The following PPP2R5C variants were observed in gnomAD, a reference collection of about 807,000 sequenced individuals.
PPP2R5C encodes the protein serine/threonine-protein phosphatase 2A 56 kDa regulatory subunit gamma isoform.
In PPP2R5C, 7 loss-of-function variants were observed where a neutral mutation model predicts 68.9. That is an observed-to-expected ratio of 0.10 (90% CI 0.06 to 0.19). The LOEUF (loss-of-function observed/expected upper bound fraction) is 0.19, where lower values mean the gene tolerates loss of function less well. Ranked by LOEUF, PPP2R5C falls within the 10% of genes least tolerant of loss-of-function variation. PPP2R5C has a pLI of 1.00. For synonymous variants in PPP2R5C, 210 were observed against 222.2 expected (o/e 0.95, Z 0.49); for missense variants, 348 against 641.3 (o/e 0.54, Z 4.94).
At chr14:101,794,463 G>A (rs2038516326) in intron 3 of PPP2R5C, among the ~76,000 whole-genome samples, 2 of 152,124 alleles carry the variant, frequency 1.3e-5, no homozygotes, top group African/African-American at 2.4e-5. Flanking sequence ...TTGAACTCCT[G>A]GGCTTAAATG....
At chr14:101,907,501 CCTG>C (rs574336814) in intron 10 of PPP2R5C, among the ~76,000 whole-genome samples, 1 of 152,230 alleles carries the variant, frequency 6.6e-6, no homozygotes, top group South Asian at 2.1e-4. Context: ...ATCTAATATT[CCTG>C]CTATTTAAAG....
chr14:101,874,812 T>C (rs1595440044), intron 2 of PPP2R5C, among the ~76,000 whole-genome samples: 1 of 152,172 alleles, frequency 6.6e-6, no homozygotes, highest in Non-Finnish European at 1.5e-5. Flanking sequence ...CGATCTCAGC[T>C]CACTGCAACC....
At chr14:101,849,844 G>T (rs1316336967) in intron 1 of PPP2R5C, among the ~76,000 whole-genome samples, 1 of 152,120 alleles carries the variant, frequency 6.6e-6, no homozygotes, top group Non-Finnish European at 1.5e-5. Flanking sequence ...ATTTATGCAT[G>T]AGCCTGTGTG....
chr14:101,773,159 G>C (rs1046682737), intron 2 of PPP2R5C, among the ~76,000 whole-genome samples: 3 of 152,188 alleles, frequency 2.0e-5, no homozygotes, highest in Non-Finnish European at 4.4e-5. Context: ...TCCTGCACTC[G>C]TGGAGTTTGC....
exon 14 of PPP2R5C, chr14:101,925,452 C>T: frequency 8.8e-7 from 1 of 1,131,718 alleles, no homozygotes. Flanking sequence ...GGTGACTTCC[C>T]AGAGCCCGCT....
intron 2 of PPP2R5C, among the ~76,000 whole-genome samples, chr14:101,858,651 T>G (rs1026832800): frequency 2.0e-5 from 3 of 152,202 alleles, no homozygotes; most frequent in African/African-American, 7.2e-5. Flanking sequence ...TAATGCTTCC[T>G]TATTATGTGT....
At chr14:101,883,583 G>T (rs201276201) in intron 5 of PPP2R5C, 21 bp downstream of exon 7, 2 of 1,609,676 alleles carry the variant, frequency 1.2e-6, no homozygotes, top group Non-Finnish European at 1.7e-6. Flanking sequence ...TGTGGATGGC[G>T]TTGTCCTTGT....
At position 101,903,534 on chromosome 14, in the gene PPP2R5C, G is replaced by C. The variant is rs574462061; in HGVS notation, c.1023+1645G>C. ...ACTCAGGCCTTCAGCTGCAGGCCCA[G>C]CCCCCCAACTCGCCCTCGTCTGTGT... On this transcript the variant is annotated intron_variant, in intron 9 of 13. Coordinates refer to ENST00000334743, the Ensembl canonical transcript of PPP2R5C. Among the ~76,000 whole-genome samples, 5 of 152,312 alleles carry C rather than the reference G, an allele frequency of 3.3e-5. No individual in the cohort carries two copies. In the East Asian group the frequency reaches 9.6e-4, roughly 29 times the overall value.
chr14:101,829,663 TTGTG>T (rs2040616459), intron 1 of PPP2R5C, among the ~76,000 whole-genome samples: 1 of 152,100 alleles, frequency 6.6e-6, no homozygotes, highest in African/African-American at 2.4e-5. Context: ...GCCTCTGTGT[TTGTG>T]TGTGTGTTTG....
At chr14:101,844,018 C>T (rs981607443) in intron 1 of PPP2R5C, 1 of 154,768 alleles carries the variant, frequency 6.5e-6, no homozygotes, top group African/African-American at 2.4e-5. Context: ...CTTCATCATT[C>T]ATTGCCTCTG....
At chr14:101,761,837 T>C, upstream of PPP2R5C, 1 of 988,416 alleles carries the variant, frequency 1.0e-6, no homozygotes, top group Non-Finnish European at 1.2e-6. Flanking sequence ...GGGGCGCTGC[T>C]GCTGCGGGGG....
chr14:101,860,174 A>G (rs2042665912), intron 2 of PPP2R5C, among the ~76,000 whole-genome samples: 1 of 152,208 alleles, frequency 6.6e-6, no homozygotes, highest in Non-Finnish European at 1.5e-5. Context: ...TCCTGTACTC[A>G]TTAATAGTCA....
intron 2 of PPP2R5C, among the ~76,000 whole-genome samples, chr14:101,872,709 A>C (rs2043506968): frequency 6.6e-6 from 1 of 151,966 alleles, no homozygotes; most frequent in Non-Finnish European, 1.5e-5. Context: ...GGGAGCTTTC[A>C]CAGTTGTCTC....
intron 5 of PPP2R5C, among the ~76,000 whole-genome samples, chr14:101,884,234 C>T (rs2044342305): frequency 6.6e-6 from 1 of 152,236 alleles, no homozygotes; most frequent in African/African-American, 2.4e-5. Flanking sequence ...GTTCCTCTGC[C>T]TGCTTAATTC....
At position 101,888,981 on chromosome 14, in the gene PPP2R5C, G is replaced by A. The variant is rs939661696; in HGVS notation, c.630-1256G>A. Among the ~76,000 whole-genome samples the A allele has an allele frequency of 2.6e-5, 4 of 151,722 alleles. No homozygotes were observed. The highest frequency in any genetic ancestry group is 4.4e-5 in the Non-Finnish European group (3 of 67,976). ...GCACAGACCTTTGTTCCAGCCAAAC[G>A]AGTTCTTCTCCCTCTCCACACTGCC... On this transcript the variant is annotated intron_variant, in intron 5 of 13. Coordinates refer to ENST00000334743, the Ensembl canonical transcript of PPP2R5C. This position sits in a 1 kb window ranked among gnomAD's most constrained non-coding sequence, Gnocchi z 5.6.
At chr14:101,791,342 C>T (rs1472922876) in intron 3 of PPP2R5C, among the ~76,000 whole-genome samples, 2 of 152,062 alleles carry the variant, frequency 1.3e-5, no homozygotes, top group African/African-American at 2.4e-5. Context: ...TGTCTCTCTT[C>T]TTTGATGAGA....
Position 101,882,050 on chromosome 14 carries a change from C to T in PPP2R5C, c.295-111C>T, listed in dbSNP as rs1457674401. 5.9e-6 allele frequency: 5 copies of T among 850,648 alleles called. No homozygotes were observed. Among genetic ancestry groups the T allele is most frequent in the Non-Finnish European group, 8.7e-6 (5 of 571,958 alleles). The allele number at this position is 850,648 out of a possible 1,614,324, so 52.7% of individuals were successfully genotyped here. On this transcript the variant is annotated intron_variant, in intron 2 of 13. Transcript: ENST00000334743. This position sits in a 1 kb window ranked among gnomAD's most constrained non-coding sequence, Gnocchi z 4.9. ...TCTGCGTTTTGAGGATACGGAGGAG[C>T]TAAGTTACCATGGGAAGCGGCTACT...
chr14:101,811,328 T>C (rs1293775745), intron 1 of PPP2R5C, among the ~76,000 whole-genome samples: 4 of 152,210 alleles, frequency 2.6e-5, no homozygotes, highest in Non-Finnish European at 5.9e-5. Context: ...TGTTTGGATT[T>C]AAGTTAGATA....
intron 5 of PPP2R5C, among the ~76,000 whole-genome samples, chr14:101,885,565 C>G (rs2044449354): frequency 6.6e-6 from 1 of 152,242 alleles, no homozygotes; most frequent in Non-Finnish European, 1.5e-5. Context: ...GGGTTGCATT[C>G]CCTCCTGACC....
Sources: gnomAD v4.1 joint callset for allele counts (sites outside exome capture counted in the v4.1 genomes callset) on GRCh38, gnomAD v4.1.1 for gene constraint, Gnocchi (gnomAD v3.1) non-coding constraint, MANE v1.5 for transcripts, NCBI Gene and HGNC (gene_info 2026-07-23, HGNC 2026-07-21) for gene names.